SLC25A48: variants seen among roughly 807,000 people sequenced by gnomAD.
The protein encoded by SLC25A48 is CTC-321K16.1.
SLC25A48 carries 29 observed loss-of-function variants against 32.2 expected under a neutral mutation model. The observed-to-expected ratio is 0.90, with a 90% CI of 0.67 to 1.23. The LOEUF is 1.23. Among genes scored for constraint, SLC25A48 ranks in the 50% most tolerant of loss-of-function variants. The probability of loss-of-function intolerance (pLI) is 0.00; values close to 1 mark genes in which losing one functional copy is unlikely to be tolerated. For synonymous variants in SLC25A48, 164 were observed against 172.3 expected (o/e 0.95, Z 0.38); for missense variants, 399 against 422.7 (o/e 0.94, Z 0.49).
chr5:135,669,159 G>C (rs1753593570), intron 3 of SLC25A48, among the ~76,000 whole-genome samples: 1 of 152,186 alleles, frequency 6.6e-6, no homozygotes, highest in African/African-American at 2.4e-5. Flanking sequence ...TGAGAGGCCA[G>C]TTGATGTGCC....
At chr5:135,809,117 C>T (rs947004108) in intron 3 of SLC25A48, among the ~76,000 whole-genome samples, 2 of 151,340 alleles carry the variant, frequency 1.3e-5, no homozygotes, top group African/African-American at 2.4e-5. Flanking sequence ...GGCTGGGCAA[C>T]ATAGTGAGAC....
intron 5 of SLC25A48, among the ~76,000 whole-genome samples, chr5:135,873,481 AC>A (rs1346678865): frequency 2.0e-5 from 3 of 151,800 alleles, no homozygotes; most frequent in East Asian, 3.9e-4. Flanking sequence ...TCTTTTTGCA[AC>A]CCCCAGGCTG....
At chr5:135,881,127 C>A (rs1463233930) in intron 7 of SLC25A48, among the ~76,000 whole-genome samples, 1 of 152,220 alleles carries the variant, frequency 6.6e-6, no homozygotes, top group African/African-American at 2.4e-5. Context: ...CCTCTTCCTC[C>A]CTGTGTTTTT....
In SLC25A48 at chr5:135,835,637, G is replaced by T. The variant is rs1013857896; in HGVS notation, c.46+744G>T. On this transcript the variant is annotated intron_variant, in intron 1 of 7. Coordinates refer to ENST00000681962, the MANE Select transcript of SLC25A48 (RefSeq NM_001349336.2). ...CAATTGGTCTATCCCTCTTTTCTCA[G>T]CTATTAGGAAAGGGGGAAGTTTGAG... 5.5e-5 allele frequency among the ~76,000 whole-genome samples: 7 copies of T among 127,260 alleles called. No homozygotes were observed. In the East Asian group the frequency reaches 1.7e-3, roughly 32 times the overall value. The allele number at this position is 127,260 out of a possible 152,430, so 83.5% of individuals were successfully genotyped here. A position where few individuals can be genotyped will look rare whatever the true frequency, so the allele number is the denominator to read the frequency against.
intron 2 of SLC25A48, among the ~76,000 whole-genome samples, chr5:135,849,332 T>G (rs1759651765): frequency 6.6e-6 from 1 of 152,210 alleles, no homozygotes; most frequent in South Asian, 2.1e-4. Flanking sequence ...GGCTCCTTCA[T>G]GCCCAGGCAT....
chr5:135,687,300 G>A (rs1754039334), intron 3 of SLC25A48, among the ~76,000 whole-genome samples: 1 of 152,192 alleles, frequency 6.6e-6, no homozygotes, highest in South Asian at 2.1e-4. Flanking sequence ...TTTTGGAAAA[G>A]TCAGTCATAA....
rs201172021 is a variant in SLC25A48 at position 135,781,572 on chromosome 5, G to A, written c.-520-30951G>A. On this transcript the variant is annotated intron_variant, in intron 3 of 10. Coordinates refer to the SLC25A48 transcript ENST00000646290. Reference sequence around the variant, plus strand: ...GAAGTATGATACTATTCCCAATATCGCAGTGGGTGTATAACTCCCTGATAT... The same window carrying A: ...GAAGTATGATACTATTCCCAATATCACAGTGGGTGTATAACTCCCTGATAT... Among the ~76,000 whole-genome samples, 99 of 116,898 alleles carry A rather than the reference G, an allele frequency of 8.5e-4. 19 individuals carry two copies. The East Asian group carries it at 9.3e-3, about 11-fold the overall frequency. 76.7% of individuals were successfully genotyped at this position (116,898 alleles called of 152,430 possible).
At chr5:135,729,033 T>C (rs1197758381) in intron 3 of SLC25A48, among the ~76,000 whole-genome samples, 1 of 152,136 alleles carries the variant, frequency 6.6e-6, no homozygotes, top group Non-Finnish European at 1.5e-5. Flanking sequence ...GCAAAACAGA[T>C]GCGAAACGGG....
At chr5:135,595,213 C>A (rs559944624) in intron 1 of SLC25A48, among the ~76,000 whole-genome samples, 2 of 152,294 alleles carry the variant, frequency 1.3e-5, no homozygotes, top group South Asian at 4.1e-4. Context: ...CTCATGCAGC[C>A]CCTGTCACTT....
intron 1 of SLC25A48, among the ~76,000 whole-genome samples, chr5:135,598,014 TCA>T (rs72087607): frequency 0.064 from 9,691 of 150,308 alleles, 350 homozygotes; most frequent in South Asian, 0.15. Flanking sequence ...AAAAAAAAAA[TCA>T]AACCAAAAAA....
At chr5:135,617,233 G>T (rs1752211363) in intron 1 of SLC25A48, among the ~76,000 whole-genome samples, 1 of 152,058 alleles carries the variant, frequency 6.6e-6, no homozygotes, top group Non-Finnish European at 1.5e-5. Context: ...AGGTATTCTA[G>T]TTTGTCAATA....
chr5:135,671,482 C>G (rs1410222245), intron 3 of SLC25A48, among the ~76,000 whole-genome samples: 2 of 152,156 alleles, frequency 1.3e-5, no homozygotes, highest in Admixed American at 6.5e-5. Context: ...CTTTTGTCTT[C>G]CTGAAGAAAC....
At chr5:135,810,406 C>T (rs1349435948) in intron 3 of SLC25A48, among the ~76,000 whole-genome samples, 1 of 152,218 alleles carries the variant, frequency 6.6e-6, no homozygotes, top group Admixed American at 6.5e-5. Context: ...ATGGCCCCAG[C>T]TGGCCTGTAA....
At position 135,598,226 on chromosome 5, in the gene SLC25A48, C is replaced by T. The variant is rs146154348; in HGVS notation, c.-849+18629C>T. On this transcript the variant is annotated intron_variant, in intron 1 of 10. Transcript: ENST00000646290. The stretch of plus-strand genomic sequence containing the variant: ...GGCAGCCTGGCTTCAGGAGGACTCA[C>T]AAATTTGATTGTCCCCTATAAAACA... Among the ~76,000 whole-genome samples the T allele has an allele frequency of 7.9e-4, 120 of 152,300 alleles. 2 individuals carry two copies. Among genetic ancestry groups the T allele is most frequent in the Non-Finnish European group, 1.3e-3 (87 of 68,028 alleles).
intron 3 of SLC25A48, among the ~76,000 whole-genome samples, chr5:135,763,764 T>TACACACACACACACACACACAC (rs56030521): frequency 8.0e-6 from 1 of 125,638 alleles, no homozygotes; most frequent in African/African-American, 2.7e-5. Flanking sequence ...AACACACACA[T>TACACACACACACACACACACAC]ACACACACAC....
chr5:135,860,059 G>A (rs985872295), intron 4 of SLC25A48, among the ~76,000 whole-genome samples: 9 of 152,102 alleles, frequency 5.9e-5, no homozygotes, highest in African/African-American at 1.7e-4. Flanking sequence ...AGGGAAGGGC[G>A]ATTATCATTT....
intron 3 of SLC25A48, among the ~76,000 whole-genome samples, chr5:135,682,710 G>A (rs1481954873): frequency 6.6e-6 from 1 of 152,082 alleles, no homozygotes; most frequent in Non-Finnish European, 1.5e-5. Flanking sequence ...AGAGATAAGA[G>A]GTACAACCAA....
rs77360410 is a variant in SLC25A48, at chr5:135,865,873, A to C, written c.422-5588A>C. Among the ~76,000 whole-genome samples the C allele has an allele frequency of 6.2e-3, 938 of 152,358 alleles. 14 individuals are homozygous for C. The highest frequency in any genetic ancestry group is 0.021 in the African/African-American group (885 of 41,586). On this transcript the variant is annotated intron_variant, in intron 4 of 7. Coordinates refer to ENST00000681962, the MANE Select transcript of SLC25A48 (RefSeq NM_001349336.2). ...CGTGGACTAAGAAAACAAATATGTA[A>C]GGAAGCTACTATGGATTACTAATAT... is the stretch of plus-strand genomic sequence containing the variant.
chr5:135,649,528 G>C (rs1339492250), intron 3 of SLC25A48: 2 of 152,522 alleles, frequency 1.3e-5, no homozygotes, highest in Non-Finnish European at 2.9e-5. Flanking sequence ...GCTTTGGTGA[G>C]AGTGGCCAGT....
Sources: gnomAD v4.1 joint callset for allele counts (sites outside exome capture counted in the v4.1 genomes callset) on GRCh38, gnomAD v4.1.1 for gene constraint, MANE v1.5 for transcripts, NCBI Gene and HGNC (gene_info 2026-07-23, HGNC 2026-07-21) for gene names.